The following KCNN2 variants were observed in gnomAD, a reference collection of about 807,000 sequenced individuals.
KCNN2 encodes small conductance calcium-activated potassium channel protein 2.
A neutral mutation model predicts 55.5 loss-of-function variants in KCNN2; 24 were observed. The observed-to-expected ratio is 0.43, with a 90% CI of 0.31 to 0.61. KCNN2 has a LOEUF of 0.61. Ranked by LOEUF, KCNN2 falls within the 20% of genes least tolerant of loss-of-function variation. The probability of loss-of-function intolerance (pLI) is 0.08; values close to 1 mark genes in which losing one functional copy is unlikely to be tolerated. For missense variants in KCNN2, 754 were observed against 853.6 expected (o/e 0.88, Z 1.45); for synonymous variants, 431 against 336.1 (o/e 1.28, Z -3.09).
chr5:114,061,435 C>G (rs1281306446), intron 1 of KCNN2, among the ~76,000 whole-genome samples: 1 of 152,162 alleles, frequency 6.6e-6, no homozygotes, highest in Non-Finnish European at 1.5e-5. Context: ...GGTAGAGATA[C>G]TACACCCATT....
chr5:114,324,869 G>T (rs953852970), intron 2 of KCNN2, among the ~76,000 whole-genome samples: 1 of 152,202 alleles, frequency 6.6e-6, no homozygotes, highest in Non-Finnish European at 1.5e-5. Flanking sequence ...TAATGGCTCT[G>T]CTAGTGAGGA....
intron 2 of KCNN2, among the ~76,000 whole-genome samples, chr5:114,250,855 C>T (rs1204650188): frequency 6.6e-6 from 1 of 152,164 alleles, no homozygotes; most frequent in Non-Finnish European, 1.5e-5. Context: ...ATCCATAGAC[C>T]ATTCATTGCC....
At position 114,375,952 on chromosome 5, in the gene KCNN2, G is replaced by GTATATA. The variant is rs6149186; in HGVS notation, c.1218+11971_1218+11976dup. ...AATCATTTAAAAAAAGACTCACAGT[G>GTATATA]TATATATATATATATATATATATAT... On this transcript the variant is annotated intron_variant, in intron 2 of 7. Coordinates refer to ENST00000673685, the MANE Select transcript of KCNN2 (RefSeq NM_021614.4). 3.1e-3 allele frequency among the ~76,000 whole-genome samples: 326 copies of GTATATA among 104,706 alleles called. 9 individuals are homozygous for GTATATA. The highest frequency in any genetic ancestry group is 7.5e-3 in the African/African-American group (212 of 28,194). The allele number at this position is 104,706 out of a possible 152,430, so 68.7% of individuals were successfully genotyped here.
intron 2 of KCNN2, among the ~76,000 whole-genome samples, chr5:114,241,705 GATATATAT>G (rs10624495): frequency 6.2e-5 from 3 of 48,776 alleles, no homozygotes; most frequent in Non-Finnish European, 9.2e-5. Flanking sequence ...TATATATGTG[GATATATAT>G]ATATATACGT....
In KCNN2 at chr5:114,314,852, T is replaced by C. The variant is rs536581492; in HGVS notation, c.-184-46093T>C. The stretch of plus-strand genomic sequence containing the variant: ...ATTTACAAAACAATAAATTGCTACA[T>C]GGCATGGACCTTAAGGTGCTCTTGA... On this transcript the variant is annotated intron_variant, in intron 2 of 10. Transcript: ENST00000512097. Among the ~76,000 whole-genome samples, 4 of 152,262 alleles carry C rather than the reference T, an allele frequency of 2.6e-5. No homozygotes were observed. The South Asian group carries it at 8.3e-4, about 32-fold the overall frequency.
chr5:114,388,173 C>G (rs1758343420), intron 2 of KCNN2, among the ~76,000 whole-genome samples: 1 of 152,078 alleles, frequency 6.6e-6, no homozygotes, highest in South Asian at 2.1e-4. Context: ...ATTTTTATGG[C>G]AACTGTTATT....
intron 3 of KCNN2, among the ~76,000 whole-genome samples, chr5:114,417,417 A>G (rs1267904421): frequency 6.6e-6 from 1 of 152,114 alleles, no homozygotes; most frequent in Non-Finnish European, 1.5e-5. Context: ...AGAAGTTTGG[A>G]GGTGTCGGTG....
chr5:114,294,798 A>T (rs964705631), intron 2 of KCNN2, among the ~76,000 whole-genome samples: 1 of 152,022 alleles, frequency 6.6e-6, no homozygotes, highest in Non-Finnish European at 1.5e-5. Context: ...TGGGGTGTTA[A>T]AGTCTCCCAT....
At chr5:114,376,980 GC>G (rs1263756621) in intron 2 of KCNN2, among the ~76,000 whole-genome samples, 1 of 152,150 alleles carries the variant, frequency 6.6e-6, no homozygotes, top group African/African-American at 2.4e-5. Context: ...TGTAGTCCTA[GC>G]TACTTGGGAA....
chr5:114,306,029 T>A (rs1598819), intron 2 of KCNN2, among the ~76,000 whole-genome samples: 7,106 of 152,270 alleles, frequency 0.047, 574 homozygotes, highest in African/African-American at 0.16. Flanking sequence ...CAGCATAATA[T>A]TCTTTGGTAT....
intron 3 of KCNN2, among the ~76,000 whole-genome samples, chr5:114,436,995 T>C (rs1171350667): frequency 2.0e-5 from 3 of 152,070 alleles, no homozygotes; most frequent in Non-Finnish European, 4.4e-5. Context: ...AGATTTAGGT[T>C]TTATTTGTGG....
chr5:114,416,085 G>T (rs1477978905), intron 3 of KCNN2, among the ~76,000 whole-genome samples: 1 of 151,992 alleles, frequency 6.6e-6, no homozygotes, highest in African/African-American at 2.4e-5. Flanking sequence ...GCAAAGAGAG[G>T]AAAGAGCAAA....
intron 2 of KCNN2, among the ~76,000 whole-genome samples, chr5:114,377,979 C>G (rs908031549): frequency 6.6e-6 from 1 of 152,090 alleles, no homozygotes; most frequent in Non-Finnish European, 1.5e-5. Context: ...GAAGCAGAGC[C>G]TAGAATCTAG....
At chr5:114,146,270 G>A (rs914704756) in intron 1 of KCNN2, among the ~76,000 whole-genome samples, 2 of 151,990 alleles carry the variant, frequency 1.3e-5, no homozygotes, top group Admixed American at 1.3e-4. Flanking sequence ...GTATGTGAGG[G>A]GTAGACAACT....
At chr5:114,425,748 A>T (rs1580819679) in intron 3 of KCNN2, among the ~76,000 whole-genome samples, 1 of 152,096 alleles carries the variant, frequency 6.6e-6, no homozygotes, top group Non-Finnish European at 1.5e-5. Flanking sequence ...ATTGTAGTCC[A>T]AGTCACCACC....
intron 2 of KCNN2, among the ~76,000 whole-genome samples, chr5:114,247,216 AAAAAAAAG>A (rs1211991293): frequency 1.3e-5 from 2 of 149,320 alleles, no homozygotes; most frequent in Non-Finnish European, 3.0e-5. Flanking sequence ...AAAAAAAAAA[AAAAAAAAG>A]AAAAGAAAAG....
At chr5:114,114,388 C>T (rs1366852192) in intron 1 of KCNN2, among the ~76,000 whole-genome samples, 2 of 151,952 alleles carry the variant, frequency 1.3e-5, no homozygotes, top group Non-Finnish European at 2.9e-5. Context: ...CCACTATGCC[C>T]AGCTAAATTT....
intron 5 of KCNN2, 146 bp from the exon 6 acceptor site, chr5:114,486,899 ATAGAT>A: frequency 8.6e-7 from 1 of 1,160,856 alleles, no homozygotes; most frequent in African/African-American, 1.6e-5. Flanking sequence ...CTAAAAAGGC[ATAGAT>A]TAAAGAAAAA....
At chr5:114,097,496 A>G (rs1751283119) in intron 1 of KCNN2, among the ~76,000 whole-genome samples, 1 of 152,160 alleles carries the variant, frequency 6.6e-6, no homozygotes, top group African/African-American at 2.4e-5. Context: ...TAGCCTGAAG[A>G]CAGTAGTAGG....
Sources: allele counts gnomAD v4.1 joint callset (sites outside exome capture counted in the v4.1 genomes callset), GRCh38; gene constraint gnomAD v4.1.1; transcripts MANE v1.5; gene names NCBI Gene and HGNC (gene_info 2026-07-23, HGNC 2026-07-21).